SOBP: variants seen among roughly 807,000 people sequenced by gnomAD.
SOBP encodes sine oculis binding protein homolog, also known as sine oculis-binding protein homolog.
In SOBP, 4 loss-of-function variants were observed where a neutral mutation model predicts 53.6. That is an observed-to-expected ratio of 0.07 (90% CI 0.04 to 0.17). SOBP has a LOEUF of 0.17. Ranked by LOEUF, SOBP falls within the 10% of genes least tolerant of loss-of-function variation. The pLI, the probability that SOBP is intolerant of heterozygous loss-of-function variation, is 1.00. For missense variants in SOBP, 1,088 were observed against 1,204.7 expected, an observed-to-expected ratio of 0.90 and a Z score of 1.43; for synonymous variants, 584 against 522.6, an observed-to-expected ratio of 1.12 and a Z score of -1.60.
At chr6:107,630,444 A>C (rs1210997959) in intron 5 of SOBP, among the ~76,000 whole-genome samples, 6 of 152,226 alleles carry the variant, frequency 3.9e-5, no homozygotes, top group Admixed American at 1.3e-4. Context: ...CATCTTAAGT[A>C]ATCAGTTCAG....
intron 6 of SOBP, among the ~76,000 whole-genome samples, chr6:107,639,457 A>G (rs995112009): frequency 1.3e-5 from 2 of 152,226 alleles, no homozygotes; most frequent in Non-Finnish European, 2.9e-5. Flanking sequence ...GAACTAATTA[A>G]GTTTAGTTGA....
intron 5 of SOBP, among the ~76,000 whole-genome samples, chr6:107,591,315 T>A (rs888492515): frequency 6.6e-6 from 1 of 152,206 alleles, no homozygotes; most frequent in African/African-American, 2.4e-5. Flanking sequence ...GCTCAGTATA[T>A]ATTAGCTGCT....
intron 1 of SOBP, among the ~76,000 whole-genome samples, chr6:107,496,473 A>G (rs904749735): frequency 6.6e-6 from 1 of 152,228 alleles, no homozygotes. Context: ...TGCCAATTAT[A>G]TAGCCATCCA....
chr6:107,627,876 A>G (rs560750993), intron 5 of SOBP, among the ~76,000 whole-genome samples: 4 of 152,302 alleles, frequency 2.6e-5, no homozygotes, highest in African/African-American at 9.6e-5. Context: ...CAGCTCTGCA[A>G]GAAAAACTTG....
intron 4 of SOBP, among the ~76,000 whole-genome samples, chr6:107,567,756 T>C (rs2115033817): frequency 6.6e-6 from 1 of 152,354 alleles, no homozygotes; most frequent in South Asian, 2.1e-4. Context: ...AAGTCATTTC[T>C]TGATCCAATA....
chr6:107,540,125 A>G (rs890081671), intron 4 of SOBP, among the ~76,000 whole-genome samples: 1 of 152,220 alleles, frequency 6.6e-6, no homozygotes, highest in Non-Finnish European at 1.5e-5. Context: ...GCTTGCCTTG[A>G]GATATTTTAA....
At position 107,587,099 on chromosome 6, in the gene SOBP, A is replaced by G; in HGVS notation, c.593A>G (p.His198Arg). The G allele has an allele frequency of 6.2e-7, 1 of 1,613,656 alleles. No individual in the cohort carries two copies. Among genetic ancestry groups the G allele is most frequent in the Non-Finnish European group, 8.5e-7 (1 of 1,179,710 alleles). ...KRNKARDEDG[H>R]AENFPQQHYA... The stretch of plus-strand genomic sequence containing the variant: ...CTTCAGGCTAGAGATGAAGATGGAC[A>G]TGCTGAAAATTTTCCCCAGCAGCAC... The change falls in exon 5 of 7, where the codon CAT becomes CGT. Residue 198 changes from histidine to arginine, a missense_variant. By Grantham distance (29) the His-to-Arg change is conservative. Around this residue, in one of 6 missense-constraint regions of SOBP, gnomAD observed 55 missense variants for 134.3 expected, o/e 0.41. Transcript: ENST00000317357.
chr6:107,550,407 C>T (rs915553464), intron 4 of SOBP, among the ~76,000 whole-genome samples: 3 of 152,130 alleles, frequency 2.0e-5, no homozygotes, highest in Non-Finnish European at 2.9e-5. Context: ...GTTGACTTCA[C>T]GCCACACATT....
chr6:107,592,247 C>T (rs934622126), intron 5 of SOBP, among the ~76,000 whole-genome samples: 1 of 152,106 alleles, frequency 6.6e-6, no homozygotes, highest in African/African-American at 2.4e-5. Context: ...GCCCCTGGTT[C>T]TAAGTGTATT....
intron 5 of SOBP, among the ~76,000 whole-genome samples, chr6:107,611,848 G>A (rs186920734): frequency 5.9e-5 from 9 of 152,184 alleles, no homozygotes; most frequent in Admixed American, 4.6e-4. Context: ...TAATTCCATC[G>A]GGAAAACTGG....
At chr6:107,503,574 G>A in intron 1 of SOBP, 83 bp from the exon 2 acceptor site, 1 of 1,476,000 alleles carries the variant, frequency 6.8e-7, no homozygotes, top group Non-Finnish European at 9.4e-7. Flanking sequence ...AAATGAGGTA[G>A]GACAAGCAGA....
intron 5 of SOBP, among the ~76,000 whole-genome samples, chr6:107,591,980 T>TG (rs1554185224): frequency 2.1e-5 from 3 of 144,032 alleles, no homozygotes; most frequent in South Asian, 2.2e-4. Context: ...TTTTTTTTTT[T>TG]TTTTTTTTTT....
chr6:107,541,446 A>G (rs1161743811), intron 4 of SOBP, among the ~76,000 whole-genome samples: 1 of 152,212 alleles, frequency 6.6e-6, no homozygotes, highest in African/African-American at 2.4e-5. Context: ...GACGTAATTC[A>G]AAGATTTTGC....
intron 5 of SOBP, among the ~76,000 whole-genome samples, chr6:107,612,710 C>A (rs940013220): frequency 6.6e-6 from 1 of 152,140 alleles, no homozygotes; most frequent in African/African-American, 2.4e-5. Flanking sequence ...TTTTTCATCA[C>A]CCCAAACAGA....
intron 3 of SOBP, among the ~76,000 whole-genome samples, chr6:107,524,908 A>C (rs1297141778): frequency 6.6e-6 from 1 of 152,140 alleles, no homozygotes; most frequent in African/African-American, 2.4e-5. Flanking sequence ...TCCGCTGTTA[A>C]ATCTGTGAAA....
chr6:107,562,030 C>CTTT (rs1213715418), intron 4 of SOBP, among the ~76,000 whole-genome samples: 4 of 130,630 alleles, frequency 3.1e-5, no homozygotes, highest in Non-Finnish European at 5.0e-5. Context: ...CTCCCTGGTT[C>CTTT]TTTTTTTTTT....
chr6:107,523,360 G>A (rs1783570017), intron 3 of SOBP, among the ~76,000 whole-genome samples: 2 of 152,236 alleles, frequency 1.3e-5, no homozygotes, highest in African/African-American at 4.8e-5. Context: ...TTAAAGGTGA[G>A]AAGAGTGAAG....
intron 6 of SOBP, among the ~76,000 whole-genome samples, chr6:107,639,126 C>T (rs1197376613): frequency 6.6e-6 from 1 of 152,152 alleles, no homozygotes; most frequent in Non-Finnish European, 1.5e-5. Flanking sequence ...TGGTCTCAAA[C>T]TCCTGACCTC....
chr6:107,495,963 G>A (rs866801665), intron 1 of SOBP, among the ~76,000 whole-genome samples: 11 of 152,014 alleles, frequency 7.2e-5, no homozygotes, highest in African/African-American at 2.4e-4. Context: ...TGTTCCTGAA[G>A]GAGAGGGGAT....
Sources: allele counts gnomAD v4.1 joint callset (sites outside exome capture counted in the v4.1 genomes callset), GRCh38; gene constraint gnomAD v4.1.1; regional missense constraint gnomAD v4.1.1; transcripts MANE v1.5; gene names NCBI Gene and HGNC (gene_info 2026-07-23, HGNC 2026-07-21).